The following RPH3A variants were observed in gnomAD, a reference collection of about 807,000 sequenced individuals.
RPH3A encodes the protein rabphilin 3A.
RPH3A carries 48 observed loss-of-function variants against 102.2 expected under a neutral mutation model. The ratio of observed to expected loss-of-function variants is 0.47; its 90% confidence interval spans 0.37 to 0.60. The LOEUF is 0.60. Among genes scored for constraint, RPH3A ranks in the 20% least tolerant of loss-of-function variants. The pLI, the probability that RPH3A is intolerant of heterozygous loss-of-function variation, is 0.00. For synonymous variants in RPH3A, 310 were observed against 324.3 expected, an observed-to-expected ratio of 0.96 and a Z score of 0.47; for missense variants, 781 against 910.1, an observed-to-expected ratio of 0.86 and a Z score of 1.83.
Position 112,677,471 on chromosome 12 carries a change from TTC to T in RPH3A, c.-140+102153_-140+102154del, listed in dbSNP as rs1423244652. Among the ~76,000 whole-genome samples the T allele has an allele frequency of 9.5e-4, 125 of 131,238 alleles. 2 individuals carry two copies. The highest frequency in any genetic ancestry group is 3.4e-3 in the African/African-American group (117 of 34,552). The allele number at this position is 131,238 out of a possible 152,430, so 86.1% of individuals were successfully genotyped here. Reference sequence around the variant, plus strand: ...CTTCCTTCCTTCCTTCCTTCCTTCCTTCCTTCCTTCCTTCCCTCTTTCTCTTT... The same window carrying T: ...CTTCCTTCCTTCCTTCCTTCCTTCCTCTTCCTTCCTTCCCTCTTTCTCTTT... On this transcript the variant is annotated intron_variant, in intron 1 of 21. Coordinates refer to the RPH3A transcript ENST00000543106.
chr12:112,703,492 T>A (rs1211541261), intron 1 of RPH3A, among the ~76,000 whole-genome samples: 1 of 152,178 alleles, frequency 6.6e-6, no homozygotes, highest in Non-Finnish European at 1.5e-5. Context: ...TTAACAAAAA[T>A]TTTGGACAGA....
intron 1 of RPH3A, among the ~76,000 whole-genome samples, chr12:112,712,886 T>TTCTTCTTCTTCTTCTTCC (rs1396093395): frequency 7.2e-6 from 1 of 138,310 alleles, no homozygotes; most frequent in Non-Finnish European, 1.5e-5. Context: ...TTTTTTCTTC[T>TTCTTCTTCTTCTTCTTCC]TCTTCTTCTT....
At chr12:112,691,952 A>T (rs535351746) in intron 1 of RPH3A, among the ~76,000 whole-genome samples, 12 of 151,888 alleles carry the variant, frequency 7.9e-5, no homozygotes, top group African/African-American at 2.2e-4. Flanking sequence ...TTGGATTTTT[A>T]AAAAATGTGT....
At chr12:112,787,369 G>A (rs1003563851), upstream of RPH3A, among the ~76,000 whole-genome samples, 20 of 152,202 alleles carry the variant, frequency 1.3e-4, no homozygotes, top group African/African-American at 4.8e-4. Flanking sequence ...AGAGGACCTT[G>A]AGATAAACTG....
chr12:112,783,798 A>G (rs2041025745), intron 1 of RPH3A, among the ~76,000 whole-genome samples: 1 of 152,120 alleles, frequency 6.6e-6, no homozygotes, highest in Non-Finnish European at 1.5e-5. Flanking sequence ...GCTCCCTCTC[A>G]ATTATTCTGC....
At chr12:112,646,669 A>G (rs2039933564) in intron 1 of RPH3A, among the ~76,000 whole-genome samples, 1 of 152,180 alleles carries the variant, frequency 6.6e-6, no homozygotes, top group Non-Finnish European at 1.5e-5. Flanking sequence ...TAGCTGTGTG[A>G]CTTTGGAAAA....
intron 1 of RPH3A, among the ~76,000 whole-genome samples, chr12:112,617,106 C>T (rs1341847565): frequency 1.3e-5 from 2 of 152,246 alleles, no homozygotes; most frequent in East Asian, 3.8e-4. Flanking sequence ...GCAGCCTAAG[C>T]TCTTTCTCTC....
upstream of RPH3A, among the ~76,000 whole-genome samples, chr12:112,787,172 A>T (rs150822571): frequency 1.3e-5 from 2 of 152,236 alleles, no homozygotes; most frequent in East Asian, 3.9e-4. Context: ...GCCCAGGATA[A>T]TCTCCCCACC....
intron 1 of RPH3A, among the ~76,000 whole-genome samples, chr12:112,730,329 G>C (rs1005296463): frequency 6.6e-6 from 1 of 152,256 alleles, no homozygotes; most frequent in African/African-American, 2.4e-5. Flanking sequence ...GCTGCAGGGA[G>C]TGCAGCCAAC....
chr12:112,848,777 C>G (rs2042273796), intron 5 of RPH3A, among the ~76,000 whole-genome samples: 1 of 151,896 alleles, frequency 6.6e-6, no homozygotes, highest in Non-Finnish European at 1.5e-5. Context: ...TACTGGAGAG[C>G]AAGGAGTGGC....
At chr12:112,602,387 G>A (rs1309204407) in intron 1 of RPH3A, among the ~76,000 whole-genome samples, 1 of 152,128 alleles carries the variant, frequency 6.6e-6, no homozygotes, top group African/African-American at 2.4e-5. Context: ...GCATGTTAAA[G>A]GAGTACCTGC....
intron 1 of RPH3A, among the ~76,000 whole-genome samples, chr12:112,782,617 C>T (rs907954566): frequency 1.1e-4 from 17 of 152,322 alleles, no homozygotes; most frequent in African/African-American, 3.6e-4. Context: ...AGGAAATGCA[C>T]GTGGAAGGGA....
At chr12:112,601,777 A>G (rs1485028987) in intron 1 of RPH3A, among the ~76,000 whole-genome samples, 1 of 152,008 alleles carries the variant, frequency 6.6e-6, no homozygotes, top group East Asian at 1.9e-4. Context: ...ATAAAAAACA[A>G]AAAAATTAGC....
At chr12:112,655,900 A>G (rs2040008392) in intron 1 of RPH3A, among the ~76,000 whole-genome samples, 1 of 152,046 alleles carries the variant, frequency 6.6e-6, no homozygotes, top group Non-Finnish European at 1.5e-5. Flanking sequence ...GTTACCTTCA[A>G]TGAAGCAGTT....
rs200716212 is a variant in RPH3A, at chr12:112,865,415, C to T, written c.232C>T (p.Arg78Cys). The T allele has an allele frequency of 2.3e-4, 379 of 1,613,588 alleles. No homozygotes were observed. The highest frequency in any genetic ancestry group is 3.0e-4 in the Non-Finnish European group (349 of 1,179,820). ...TATTTACCTTGTCTCTGCTTCCAGA[C>T]GCCTGGTGGACCGCCTAGAAAACAT... is the stretch of plus-strand genomic sequence containing the variant. ...MEEMEQERIG[R>C]LVDRLENMRK... Residue 78 changes from arginine to cysteine, a missense_variant and splice_region_variant, in exon 6 of 22, where the codon CGC (arginine) becomes TGC (cysteine). Around this residue, in one of 2 missense-constraint regions of RPH3A, gnomAD observed 730 missense variants for 810.0 expected, o/e 0.90. Coordinates refer to ENST00000389385, the MANE Select transcript of RPH3A (RefSeq NM_001143854.2).
At chr12:112,582,422 G>T (rs1431968435) in intron 1 of RPH3A, among the ~76,000 whole-genome samples, 1 of 146,054 alleles carries the variant, frequency 6.8e-6, no homozygotes, top group Non-Finnish European at 1.5e-5. Context: ...TGAAAAACAG[G>T]CATGAGCCAC....
chr12:112,766,122 C>G (rs1386431845), intron 1 of RPH3A, among the ~76,000 whole-genome samples: 1 of 152,180 alleles, frequency 6.6e-6, no homozygotes, highest in African/African-American at 2.4e-5. Context: ...GGCAGATCAT[C>G]TAGAAGATGA....
chr12:112,702,772 G>A (rs1467797083), intron 1 of RPH3A, among the ~76,000 whole-genome samples: 1 of 152,228 alleles, frequency 6.6e-6, no homozygotes, highest in Non-Finnish European at 1.5e-5. Flanking sequence ...TGCCATTAGT[G>A]GAGATTCGGA....
intron 2 of RPH3A, among the ~76,000 whole-genome samples, chr12:112,808,746 A>G (rs185999773): frequency 6.6e-6 from 1 of 152,280 alleles, no homozygotes; most frequent in East Asian, 1.9e-4. Flanking sequence ...TAGAAATGCA[A>G]ATTCTTGGGC....
Sources: allele counts gnomAD v4.1 joint callset (sites outside exome capture counted in the v4.1 genomes callset), GRCh38; gene constraint gnomAD v4.1.1; regional missense constraint gnomAD v4.1.1; transcripts MANE v1.5; gene names NCBI Gene and HGNC (gene_info 2026-07-23, HGNC 2026-07-21).